The following INTU variants were observed in gnomAD, a reference collection of about 807,000 sequenced individuals.
The protein encoded by INTU is inturned planar cell polarity protein.
Under a neutral mutation model 100.5 loss-of-function variants are expected in INTU, and 68 were observed. That is an observed-to-expected ratio of 0.68 (90% CI 0.56 to 0.83). INTU has a LOEUF of 0.83. Ranked by LOEUF, INTU falls within the 40% of genes least tolerant of loss-of-function variation. The probability of loss-of-function intolerance (pLI) is 0.00; values close to 1 mark genes in which losing one functional copy is unlikely to be tolerated. For synonymous variants in INTU, 357 were observed against 395.7 expected (o/e 0.90, Z 1.16); for missense variants, 1,071 against 1,114.7 (o/e 0.96, Z 0.56).
intron 14 of INTU, among the ~76,000 whole-genome samples, chr4:127,712,498 C>G (rs1017784459): frequency 2.0e-5 from 3 of 152,148 alleles, no homozygotes; most frequent in Non-Finnish European, 4.4e-5. Context: ...AGACACTATT[C>G]TAGGAACGTG....
chr4:127,707,900 G>A (rs1306985710), intron 12 of INTU, among the ~76,000 whole-genome samples: 1 of 152,050 alleles, frequency 6.6e-6, no homozygotes, highest in Non-Finnish European at 1.5e-5. Context: ...CTTGTCATTT[G>A]GGTGGATGGA....
At chr4:127,653,577 G>T (rs1242292243) in intron 2 of INTU, among the ~76,000 whole-genome samples, 2 of 151,818 alleles carry the variant, frequency 1.3e-5, no homozygotes, top group African/African-American at 4.9e-5. Context: ...TTGCACTGTG[G>T]TCTGAGAGAT....
In INTU at chr4:127,707,392, CAAAAAA is replaced by C. The variant is rs71587331; in HGVS notation, c.2271+443_2271+448del. The stretch of plus-strand genomic sequence containing the variant: ...TGGGTGACAGAGTGAGACTCTGTCT[CAAAAAA>C]AAAAAAAAAAAAAAAAAAAGAAATA... On this transcript the variant is annotated intron_variant, in intron 12 of 15. Transcript: ENST00000335251. Among the ~76,000 whole-genome samples the C allele has an allele frequency of 3.6e-3, 159 of 44,592 alleles. 1 individual carries two copies. The highest frequency in any genetic ancestry group is 0.018 in the South Asian group (14 of 768). The allele number at this position is 44,592 out of a possible 152,430, so 29.3% of individuals were successfully genotyped here. A position where few individuals can be genotyped will look rare whatever the true frequency, so the allele number is the denominator to read the frequency against.
At chr4:127,676,644 C>A (rs1729205921) in intron 6 of INTU, among the ~76,000 whole-genome samples, 1 of 151,490 alleles carries the variant, frequency 6.6e-6, no homozygotes, top group Non-Finnish European at 1.5e-5. Context: ...AGGAACAGGT[C>A]CAGTCTACAG....
chr4:127,662,886 G>A (rs965743450), intron 3 of INTU, among the ~76,000 whole-genome samples: 2 of 152,204 alleles, frequency 1.3e-5, no homozygotes, highest in Non-Finnish European at 1.5e-5. Context: ...CAGAAAGAAT[G>A]TCTGAGAGAA....
chr4:127,683,872 A>G (rs1324796865), intron 6 of INTU: 1 of 152,204 alleles, frequency 6.6e-6, no homozygotes, highest in South Asian at 2.1e-4. Flanking sequence ...CTACCTTATA[A>G]AATTCTTAAA....
At position 127,721,192 on chromosome 4, in the gene INTU, C is replaced by G. The variant is rs986477352; in HGVS notation, c.*4756C>G. On this transcript the variant is annotated 3_prime_UTR_variant, in exon 16 of 16. Transcript: ENST00000335251. ...TGGTGACGAATTCCCTCAGCATTTG[C>G]TTGTCTGAAAAAGATTTTATTTCTC... 9.2e-5 allele frequency: 14 copies of G among 152,104 alleles called. No homozygotes were observed. Among genetic ancestry groups the G allele is most frequent in the Admixed American group, 3.9e-4 (6 of 15,274 alleles). The allele number at this position is 152,104 out of a possible 1,614,324, so 9.4% of individuals were successfully genotyped here.
intron 8 of INTU, among the ~76,000 whole-genome samples, chr4:127,697,274 G>A (rs1263834650): frequency 2.6e-5 from 4 of 152,070 alleles, no homozygotes; most frequent in South Asian, 2.1e-4. Flanking sequence ...GTGACCATTC[G>A]TAGTTATTAT....
intron 2 of INTU, among the ~76,000 whole-genome samples, chr4:127,655,339 C>T (rs552421890): frequency 2.6e-5 from 4 of 151,894 alleles, no homozygotes; most frequent in East Asian, 1.9e-4. Context: ...CTGTTTTTTC[C>T]CCATCTTTGT....
Position 127,656,716 on chromosome 4 carries a change from A to C in INTU, c.763A>C (p.Met255Leu), listed in dbSNP as rs1322650458. The change falls in exon 3 of 16, where the codon ATG becomes CTG. Residue 255 changes from methionine to leucine, a missense_variant. Met to Leu is a conservative substitution (Grantham distance 15). Coordinates refer to ENST00000335251, the MANE Select transcript of INTU (RefSeq NM_015693.4). ...AGTTCTGTCTTGCATTCCTGGACCT[A>C]TGCAGGTATGGACATTCTTTTTCTA... ...ERVLSCIPGP[M>L]QVKLTFENAY... 6.3e-7 allele frequency: 1 copy of C among 1,585,970 alleles called. No homozygotes were observed. The highest frequency in any genetic ancestry group is 1.1e-5 in the South Asian group (1 of 89,404).
intron 2 of INTU, among the ~76,000 whole-genome samples, chr4:127,653,437 G>A (rs1225661708): frequency 6.8e-6 from 1 of 146,594 alleles, no homozygotes; most frequent in Admixed American, 6.8e-5. Flanking sequence ...GTTCTCGTTG[G>A]TTTCAAAGAA....
At chr4:127,687,394 C>T (rs908345190) in intron 7 of INTU, 1 of 185,038 alleles carries the variant, frequency 5.4e-6, no homozygotes, top group African/African-American at 2.3e-5. Context: ...AAGGGTACTT[C>T]AGCCCTTTCT....
At position 127,649,084 on chromosome 4, in the gene INTU, GA is replaced by G. The variant is rs537909589; in HGVS notation, c.682+5035del. 2.4e-3 allele frequency among the ~76,000 whole-genome samples: 365 copies of G among 151,712 alleles called. 2 individuals carry two copies. The highest frequency in any genetic ancestry group is 8.4e-3 in the African/African-American group (346 of 41,434). On this transcript the variant is annotated intron_variant, in intron 2 of 15. Transcript: ENST00000335251. ...TCAATAGAGTATCAAGGAGAGGAAG[GA>G]AAAAAAGGAGGAATAGCAGTACCTA...
chr4:127,643,058 C>T (rs1256285557), intron 1 of INTU, among the ~76,000 whole-genome samples: 1 of 152,082 alleles, frequency 6.6e-6, no homozygotes, highest in Non-Finnish European at 1.5e-5. Context: ...GACAGCCATC[C>T]TAAATAATTT....
intron 1 of INTU, among the ~76,000 whole-genome samples, chr4:127,633,498 A>G (rs1726934533): frequency 6.6e-6 from 1 of 152,114 alleles, no homozygotes; most frequent in South Asian, 2.1e-4. Flanking sequence ...AGCGTTCAAA[A>G]AACTCTGTTT....
chr4:127,645,363 A>C (rs1727529228), intron 2 of INTU, among the ~76,000 whole-genome samples: 1 of 152,094 alleles, frequency 6.6e-6, no homozygotes. Context: ...CCAGTGATCC[A>C]GCTGATAGCC....
intron 2 of INTU, among the ~76,000 whole-genome samples, chr4:127,655,536 G>A (rs1360859300): frequency 2.0e-5 from 3 of 151,594 alleles, no homozygotes; most frequent in Non-Finnish European, 4.4e-5. Context: ...AGGCTGCTCG[G>A]GGGTCAGGGG....
chr4:127,691,678 T>A (rs1167801009), intron 8 of INTU, among the ~76,000 whole-genome samples: 1 of 151,890 alleles, frequency 6.6e-6, no homozygotes, highest in Non-Finnish European at 1.5e-5. Context: ...TTTCTGCAAT[T>A]TTGGTCCACC....
chr4:127,671,136 T>C (rs190914498), intron 5 of INTU, among the ~76,000 whole-genome samples: 3 of 152,000 alleles, frequency 2.0e-5, no homozygotes. Context: ...AACTGAAAAG[T>C]TTCTACACAG....
Sources: allele counts gnomAD v4.1 joint callset (sites outside exome capture counted in the v4.1 genomes callset), GRCh38; gene constraint gnomAD v4.1.1; transcripts MANE v1.5; gene names NCBI Gene and HGNC (gene_info 2026-07-23, HGNC 2026-07-21).